MYO18B: variants seen among roughly 807,000 people sequenced by gnomAD.
MYO18B encodes the protein unconventional myosin-XVIIIb.
In MYO18B, 204 loss-of-function variants were observed where a neutral mutation model predicts 273.0. That is an observed-to-expected ratio of 0.75 (90% CI 0.67 to 0.84). MYO18B has a LOEUF of 0.84. Among genes scored for constraint, MYO18B ranks in the 40% least tolerant of loss-of-function variants. The probability of loss-of-function intolerance (pLI) is 0.00; values close to 1 mark genes in which losing one functional copy is unlikely to be tolerated. For synonymous variants in MYO18B, 1,330 were observed against 1,305.7 expected, an observed-to-expected ratio of 1.02 and a Z score of -0.40; for missense variants, 3,212 against 3,287.6, an observed-to-expected ratio of 0.98 and a Z score of 0.56.
chr22:26,008,737 G>T (rs979994073), intron 42 of MYO18B, among the ~76,000 whole-genome samples: 11 of 152,134 alleles, frequency 7.2e-5, no homozygotes, highest in African/African-American at 2.4e-4. Flanking sequence ...ACATCTGGCC[G>T]CAAGTGGTGC....
At chr22:25,824,230 G>T (rs2089401732) in intron 13 of MYO18B, among the ~76,000 whole-genome samples, 1 of 152,200 alleles carries the variant, frequency 6.6e-6, no homozygotes, top group African/African-American at 2.4e-5. Context: ...TGGGGAGTGA[G>T]TGGGAGACAG....
chr22:25,817,437 C>T (rs890077151), intron 12 of MYO18B, among the ~76,000 whole-genome samples: 1 of 136,640 alleles, frequency 7.3e-6, no homozygotes, highest in Non-Finnish European at 1.6e-5. Context: ...CCTTTCCTTT[C>T]CCTTTCTCTT....
chr22:26,006,434 A>G (rs901350236), intron 42 of MYO18B: 4 of 299,122 alleles, frequency 1.3e-5, no homozygotes, highest in East Asian at 7.9e-5. Flanking sequence ...TTGTTATTCT[A>G]TACAGAGATT....
chr22:25,886,311 G>T (rs1348140866), intron 25 of MYO18B, among the ~76,000 whole-genome samples: 5 of 152,220 alleles, frequency 3.3e-5, no homozygotes, highest in Admixed American at 1.3e-4. Context: ...CATCTCTGGG[G>T]AACCCGGGAG....
intron 21 of MYO18B, among the ~76,000 whole-genome samples, chr22:25,857,366 T>G (rs1601372320): frequency 1.3e-5 from 2 of 152,290 alleles, no homozygotes; most frequent in East Asian, 1.9e-4. Flanking sequence ...TCTCTGTCCC[T>G]GAGGACTTGA....
At chr22:25,861,035 T>C (rs2090718882) in intron 21 of MYO18B, among the ~76,000 whole-genome samples, 1 of 152,082 alleles carries the variant, frequency 6.6e-6, no homozygotes, top group Non-Finnish European at 1.5e-5. Context: ...ACTACAGGCA[T>C]ATGCCACCAC....
intron 39 of MYO18B, among the ~76,000 whole-genome samples, chr22:25,963,160 C>CCTCTCT (rs35189393): frequency 0.042 from 5,554 of 132,810 alleles, 202 homozygotes; most frequent in African/African-American, 0.097. Context: ...TCCTCTTTCT[C>CCTCTCT]CTCTCTCTCT....
At chr22:25,742,657 C>T (rs2085661631) in intron 1 of MYO18B, among the ~76,000 whole-genome samples, 1 of 152,182 alleles carries the variant, frequency 6.6e-6, no homozygotes, top group African/African-American at 2.4e-5. Flanking sequence ...TTATATTTTT[C>T]CTCAACTACC....
intron 39 of MYO18B, among the ~76,000 whole-genome samples, chr22:25,957,363 A>G (rs931442619): frequency 1.3e-5 from 2 of 152,228 alleles, no homozygotes; most frequent in Non-Finnish European, 2.9e-5. Context: ...TGAAAAGATT[A>G]TAGCATAGTT....
chr22:25,783,887 A>C (rs916179068), intron 10 of MYO18B, among the ~76,000 whole-genome samples: 1 of 152,172 alleles, frequency 6.6e-6, no homozygotes, highest in East Asian at 1.9e-4. Flanking sequence ...CTGAAGCCTC[A>C]TTGGTGATCC....
chr22:26,031,376 G>A (rs1368030098), downstream of MYO18B, among the ~76,000 whole-genome samples: 2 of 152,146 alleles, frequency 1.3e-5, no homozygotes, highest in Admixed American at 1.3e-4. Context: ...CAGATTCAAG[G>A]TCAGCTGGGT....
chr22:26,063,812 T>A, the MYO18B span, among the ~76,000 whole-genome samples: 2 of 152,206 alleles, frequency 1.3e-5, no homozygotes, highest in Admixed American at 6.5e-5. Flanking sequence ...GAACTAAAAA[T>A]AGTGTGATAG....
chr22:25,758,845 C>G (rs1395646586), intron 1 of MYO18B, among the ~76,000 whole-genome samples: 2 of 151,720 alleles, frequency 1.3e-5, no homozygotes, highest in Non-Finnish European at 2.9e-5. Flanking sequence ...GCAAACTCCT[C>G]CTCCCAGGTT....
At chr22:25,954,772 C>T (rs769346279) in intron 38 of MYO18B, among the ~76,000 whole-genome samples, 5 of 152,098 alleles carry the variant, frequency 3.3e-5, no homozygotes, top group African/African-American at 4.8e-5. Flanking sequence ...AGTGCAGTGG[C>T]GTGATCTTGG....
intron 18 of MYO18B, among the ~76,000 whole-genome samples, chr22:25,844,198 G>A (rs2090168538): frequency 6.6e-6 from 1 of 152,156 alleles, no homozygotes; most frequent in Non-Finnish European, 1.5e-5. Flanking sequence ...GATGTGACTG[G>A]AACAACTTTT....
At chr22:26,029,428 T>A (rs1936537133) in intron 43 of MYO18B, among the ~76,000 whole-genome samples, 2 of 152,140 alleles carry the variant, frequency 1.3e-5, no homozygotes. Flanking sequence ...TAACATGGCC[T>A]TCTCTCTGCT....
intron 32 of MYO18B, among the ~76,000 whole-genome samples, chr22:25,909,161 A>C (rs1197660307): frequency 6.6e-6 from 1 of 152,234 alleles, no homozygotes; most frequent in Non-Finnish European, 1.5e-5. Flanking sequence ...CGAGATAAAC[A>C]TTCTTAGAGC....
At chr22:25,916,784 C>T (rs1419892427) in intron 33 of MYO18B, among the ~76,000 whole-genome samples, 1 of 152,200 alleles carries the variant, frequency 6.6e-6, no homozygotes, top group Non-Finnish European at 1.5e-5. Flanking sequence ...GTAATCCCAG[C>T]ACTTTGGGAG....
chr22:26,001,548 T>A (rs1569283264), intron 40 of MYO18B, among the ~76,000 whole-genome samples: 1 of 152,282 alleles, frequency 6.6e-6, no homozygotes, highest in East Asian at 1.9e-4. Flanking sequence ...GGACAATAAG[T>A]AACTTCAGCT....
Sources: allele counts gnomAD v4.1 joint callset (sites outside exome capture counted in the v4.1 genomes callset), GRCh38; gene constraint gnomAD v4.1.1; transcripts MANE v1.5; gene names NCBI Gene and HGNC (gene_info 2026-07-23, HGNC 2026-07-21).